Variants in IQCH observed in about 807,000 individuals in gnomAD.
IQCH encodes the protein IQ motif containing H.
In IQCH, 98 loss-of-function variants were observed where a neutral mutation model predicts 117.0. The ratio of observed to expected loss-of-function variants is 0.84; its 90% CI spans 0.71 to 0.99. The LOEUF (loss-of-function observed/expected upper bound fraction) is 0.99, where lower values mean the gene tolerates loss of function less well. IQCH is among the 50% of genes least tolerant of loss of function. IQCH has a pLI of 0.00. For synonymous variants in IQCH, 412 were observed against 448.2 expected (o/e 0.92, Z 1.02); for missense variants, 1,102 against 1,243.8 (o/e 0.89, Z 1.72).
rs1463903322 is a variant in IQCH, at chr15:67,416,015, A to T, written c.2098-916A>T. Among the ~76,000 whole-genome samples, 1 of 152,266 alleles carries T rather than the reference A, an allele frequency of 6.6e-6. No individual in the cohort carries two copies. Among genetic ancestry groups the T allele is most frequent in the Non-Finnish European group, 1.5e-5 (1 of 68,012 alleles). ...GAGACTGAGGCTGCAGTGAGCTATG[A>T]TCACACCACTGTACTCTAGCCTAGG... On this transcript the variant is annotated intron_variant, in intron 14 of 20. Transcript: ENST00000335894. The surrounding 1 kb of genome is among the most constrained non-coding windows in gnomAD (Gnocchi z 5.1).
At chr15:67,269,892 G>A (rs1402032588) in intron 3 of IQCH, among the ~76,000 whole-genome samples, 2 of 152,012 alleles carry the variant, frequency 1.3e-5, no homozygotes, top group Admixed American at 1.3e-4. Context: ...CCATTGATGG[G>A]CACTTAGGTT....
At chr15:67,301,430 A>ATTTTTT in intron 4 of IQCH, among the ~76,000 whole-genome samples, 2 of 122,230 alleles carry the variant, frequency 1.6e-5, no homozygotes, top group East Asian at 2.5e-4. Flanking sequence ...TTTTTTTTGA[A>ATTTTTT]ACCGAGTCTC....
intron 18 of IQCH, among the ~76,000 whole-genome samples, chr15:67,484,898 C>G (rs986716861): frequency 6.6e-6 from 1 of 151,476 alleles, no homozygotes; most frequent in Non-Finnish European, 1.5e-5. Context: ...TGACCATCAT[C>G]CAATTAAAAA....
At chr15:67,320,074 G>A (rs1968042782) in intron 4 of IQCH, among the ~76,000 whole-genome samples, 1 of 152,154 alleles carries the variant, frequency 6.6e-6, no homozygotes, top group Non-Finnish European at 1.5e-5. Context: ...AGACTTTACT[G>A]ATACAGCATA....
intron 6 of IQCH, among the ~76,000 whole-genome samples, chr15:67,350,076 G>T (rs954941829): frequency 2.6e-5 from 4 of 152,118 alleles, no homozygotes; most frequent in Non-Finnish European, 4.4e-5. Context: ...GTATATGAAG[G>T]TTTGTAATAT....
chr15:67,376,117 A>T lies in IQCH; in HGVS notation c.1372+2684A>T, dbSNP rs1970728823. ...TTGGATTTTATACAAATGACTTGTG[A>T]ACATTAAATTAAGTAACAACAAGCT... On this transcript the variant is annotated intron_variant, in intron 10 of 20. Transcript: ENST00000335894. This position sits in a 1 kb window ranked among gnomAD's most constrained non-coding sequence, Gnocchi z 5.0. Among the ~76,000 whole-genome samples, 1 of 152,176 alleles carries T rather than the reference A, an allele frequency of 6.6e-6. No individual in the cohort carries two copies. The highest frequency in any genetic ancestry group is 2.4e-5 in the African/African-American group (1 of 41,438).
chr15:67,329,362 G>A (rs1968559696), intron 4 of IQCH, among the ~76,000 whole-genome samples: 1 of 151,968 alleles, frequency 6.6e-6, no homozygotes, highest in Non-Finnish European at 1.5e-5. Context: ...CATTCCTGGT[G>A]TGAAAAATAA....
chr15:67,497,024 C>CAAAA (rs753821092), intron 20 of IQCH, among the ~76,000 whole-genome samples: 5 of 35,808 alleles, frequency 1.4e-4, no homozygotes, highest in Non-Finnish European at 2.4e-4. Context: ...GACTCCGTCT[C>CAAAA]AAAAAAAAAA....
rs1408883258 is a variant in IQCH at position 67,417,288 on chromosome 15, T to C, written c.2218+237T>C. Among the ~76,000 whole-genome samples the C allele has an allele frequency of 6.6e-6, 1 of 152,194 alleles. No homozygotes were observed. Among genetic ancestry groups the C allele is most frequent in the Non-Finnish European group, 1.5e-5 (1 of 68,034 alleles). On this transcript the variant is annotated intron_variant, in intron 15 of 20. Transcript: ENST00000335894. This position sits in a 1 kb window ranked among gnomAD's most constrained non-coding sequence, Gnocchi z 4.3. ...GGGAAGCTCAAGATTCTGGGCCTTT[T>C]TTTACACTACAAACTTCTCCTGAGA...
chr15:67,338,197 ATCTG>A lies in IQCH; in HGVS notation c.508+1110_508+1113del, dbSNP rs1183982852. 5.5e-4 allele frequency among the ~76,000 whole-genome samples: 79 copies of A among 143,906 alleles called. 1 individual carries two copies. Among genetic ancestry groups the A allele is most frequent in the Middle Eastern group, 7.0e-3 (2 of 286 alleles). The allele number at this position is 143,906 out of a possible 152,430, so 94.4% of individuals were successfully genotyped here. On this transcript the variant is annotated intron_variant, in intron 5 of 20. Coordinates refer to ENST00000335894, the MANE Select transcript of IQCH (RefSeq NM_001031715.3). ...AGTGAATGAATGAATGAATCGATAT[ATCTG>A]TCTGTCTATCTATCTATCTATCTAT...
At chr15:67,400,393 T>C (rs962668722) in intron 14 of IQCH, 88 bp downstream of exon 14, 3 of 926,628 alleles carry the variant, frequency 3.2e-6, no homozygotes, top group African/African-American at 3.3e-5. Flanking sequence ...TGAAAGTACT[T>C]TCCTCTCTAC....
intron 13 of IQCH, among the ~76,000 whole-genome samples, chr15:67,396,956 G>GATCACA (rs1971491111): frequency 6.6e-6 from 1 of 152,188 alleles, no homozygotes; most frequent in Admixed American, 6.5e-5. Flanking sequence ...CACAACCTAG[G>GATCACA]ACAGTCGCAG....
intron 8 of IQCH, chr15:67,371,640 C>A (rs1970537715): frequency 1.4e-6 from 1 of 699,136 alleles, no homozygotes; most frequent in Non-Finnish European, 2.4e-6. Context: ...TTTATGAAGT[C>A]AGAAACAATT....
intron 5 of IQCH, among the ~76,000 whole-genome samples, chr15:67,341,075 A>G (rs1008368649): frequency 7.2e-5 from 11 of 152,252 alleles, no homozygotes; most frequent in Non-Finnish European, 1.0e-4. Flanking sequence ...TGAGCCGGGT[A>G]TGGTGGTGAA....
intron 4 of IQCH, chr15:67,307,226 T>G (rs1335022217): frequency 1.3e-6 from 1 of 762,544 alleles, no homozygotes; most frequent in African/African-American, 1.9e-5. Flanking sequence ...CAATGTAAAC[T>G]TAGAATCTTT....
At chr15:67,338,289 A>C (rs1199914784) in intron 5 of IQCH, among the ~76,000 whole-genome samples, 1 of 152,042 alleles carries the variant, frequency 6.6e-6, no homozygotes, top group Non-Finnish European at 1.5e-5. Flanking sequence ...AAAAAATGCC[A>C]CAAAATAAAA....
In IQCH at chr15:67,447,352, T is replaced by A. The variant is rs1279824493; in HGVS notation, c.2506-17775T>A. On this transcript the variant is annotated intron_variant, in intron 16 of 20. Transcript: ENST00000335894. This position sits in a 1 kb window ranked among gnomAD's most constrained non-coding sequence, Gnocchi z 5.3. The stretch of plus-strand genomic sequence containing the variant: ...TAAAGATTGCTGCCATCCAAAAGGA[T>A]GTCCTATTAGCCTGACAGGGTGCTG... Among the ~76,000 whole-genome samples the A allele has an allele frequency of 6.6e-6, 1 of 152,182 alleles. No homozygotes were observed. Among genetic ancestry groups the A allele is most frequent in the Non-Finnish European group, 1.5e-5 (1 of 68,036 alleles).
At chr15:67,299,179 ATTCACATG>A (rs1415913072) in intron 4 of IQCH, among the ~76,000 whole-genome samples, 1 of 152,112 alleles carries the variant, frequency 6.6e-6, no homozygotes, top group African/African-American at 2.4e-5. Flanking sequence ...GAAGGGCAGG[ATTCACATG>A]TTCTCACTTA....
intron 18 of IQCH, among the ~76,000 whole-genome samples, chr15:67,480,851 A>G (rs1413017335): frequency 1.3e-5 from 2 of 152,058 alleles, no homozygotes; most frequent in Non-Finnish European, 2.9e-5. Flanking sequence ...TTTAGTGTTA[A>G]TGGTGTATAT....
Sources: gnomAD v4.1 joint callset for allele counts (sites outside exome capture counted in the v4.1 genomes callset) on GRCh38, gnomAD v4.1.1 for gene constraint, Gnocchi (gnomAD v3.1) non-coding constraint, MANE v1.5 for transcripts, NCBI Gene and HGNC (gene_info 2026-07-23, HGNC 2026-07-21) for gene names.